IGSF9B: variants seen among roughly 807,000 people sequenced by gnomAD.
IGSF9B encodes the protein immunoglobulin superfamily member 9B.
A neutral mutation model predicts 143.7 loss-of-function variants in IGSF9B; 48 were observed. The ratio of observed to expected loss-of-function variants is 0.33; its 90% CI spans 0.26 to 0.42. The LOEUF (loss-of-function observed/expected upper bound fraction) is 0.42, where lower values mean the gene tolerates loss of function less well. IGSF9B is among the 20% of genes least tolerant of loss of function. The pLI, the probability that IGSF9B is intolerant of heterozygous loss-of-function variation, is 1.00. For missense variants in IGSF9B, 1,706 were observed against 1,980.0 expected, an observed-to-expected ratio of 0.86 and a Z score of 2.63; for synonymous variants, 903 against 833.1, an observed-to-expected ratio of 1.08 and a Z score of -1.44.
At chr11:133,954,410 C>G (rs1166692529) in intron 1 of IGSF9B, among the ~76,000 whole-genome samples, 1 of 152,146 alleles carries the variant, frequency 6.6e-6, no homozygotes, top group East Asian at 1.9e-4. Context: ...GGTCTTACTT[C>G]CTGACACAGG....
chr11:133,952,012 G>C (rs556983956), intron 1 of IGSF9B: 2 of 454,462 alleles, frequency 4.4e-6, no homozygotes, highest in African/African-American at 4.0e-5. Context: ...GGGAGGCAAG[G>C]GGCCACAGAG....
rs1262101072 is a variant in IGSF9B at position 133,899,321 on chromosome 11, TG to T, written c.*9747del. The T allele has an allele frequency of 6.6e-6, 1 of 152,494 alleles. No homozygotes were observed. Among genetic ancestry groups the T allele is most frequent in the East Asian group, 1.9e-4 (1 of 5,188 alleles). The allele number at this position is 152,494 out of a possible 1,614,324, so 9.4% of individuals were successfully genotyped here. On this transcript the variant is annotated 3_prime_UTR_variant, in exon 20 of 20. Transcript: ENST00000533871. The stretch of plus-strand genomic sequence containing the variant: ...GCCTCCTCCTTACTCCACATAAAGC[TG>T]ATCTCAATGACCTTTGCTCCAAGTG...
Position 133,931,303 on chromosome 11 carries a change from T to C in IGSF9B, c.1368+150A>G. On this transcript the variant is annotated intron_variant, in intron 10 of 19. Coordinates refer to ENST00000533871, the MANE Select transcript of IGSF9B (RefSeq NM_001277285.4). The surrounding 1 kb of genome is among the most constrained non-coding windows in gnomAD (Gnocchi z 7.7). ...GCTCACTGCTCGGCATCTAGCCTGG[T>C]CAGGGCAGGTCCAGAATAGAACTGC... 1.2e-6 allele frequency: 1 copy of C among 850,368 alleles called. No homozygotes were observed. Among genetic ancestry groups the C allele is most frequent in the South Asian group, 1.7e-5 (1 of 58,554 alleles). The allele number at this position is 850,368 out of a possible 1,614,324, so 52.7% of individuals were successfully genotyped here.
intron 7 of IGSF9B, 144 bp downstream of exon 7, chr11:133,935,473 A>G (rs1939805068): frequency 2.0e-6 from 2 of 977,766 alleles, no homozygotes; most frequent in African/African-American, 1.6e-5. Context: ...CTCTCCAGCC[A>G]TCCCTCCTTC....
In IGSF9B at chr11:133,937,416, A is replaced by C. The variant is rs1939844875; in HGVS notation, c.639T>G (p.Ile213Met). Residue 213 changes from isoleucine (I) to methionine (M), a missense_variant, in exon 5 of 20, where the codon ATT (isoleucine) becomes ATG (methionine). This residue lies in a region of IGSF9B where 238 missense variants were observed against 452.6 expected (regional missense o/e 0.53). Transcript: ENST00000533871. ...RGAYTCRAYS[I>M]QGEAVHTTHL... ...GAGTCGTGTGGACAGCCTCCCCCTGAATGCTGTACGCTCGGCAGGTGTAGG... is the reference window on the plus strand; with the variant it reads ...GAGTCGTGTGGACAGCCTCCCCCTGCATGCTGTACGCTCGGCAGGTGTAGG... 1 of 1,613,654 alleles carries C rather than the reference A, an allele frequency of 6.2e-7. No homozygotes were observed. The highest frequency in any genetic ancestry group is 8.5e-7 in the Non-Finnish European group (1 of 1,179,636).
In IGSF9B at chr11:133,949,229, C is replaced by T. The variant is rs139873375; in HGVS notation, c.65-2971G>A. Among the ~76,000 whole-genome samples, 8 of 152,258 alleles carry T rather than the reference C, an allele frequency of 5.3e-5. No individual in the cohort carries two copies. In the East Asian group the frequency reaches 1.4e-3, roughly 26 times the overall value. On this transcript the variant is annotated intron_variant, in intron 1 of 19. Transcript: ENST00000533871. ...CCCCAGAATAAAGCAGTGGTGTGGG[C>T]GCCCATGTCCTGGCCTCCACCCTCG...
chr11:133,908,914 T>G lies in IGSF9B; in HGVS notation c.*155A>C. On this transcript the variant is annotated 3_prime_UTR_variant, in exon 20 of 20. Transcript: ENST00000533871. ...CCGTCCTGAAGACAGGCGGCCAGGATCTGGAGGGAGACACCCGCTCTGGCA... is the reference window on the plus strand; with the variant it reads ...CCGTCCTGAAGACAGGCGGCCAGGAGCTGGAGGGAGACACCCGCTCTGGCA... The G allele has an allele frequency of 1.5e-6, 1 of 649,310 alleles. No homozygotes were observed. Among genetic ancestry groups the G allele is most frequent in the Non-Finnish European group, 2.6e-6 (1 of 380,234 alleles). 40.2% of individuals were successfully genotyped at this position (649,310 alleles called of 1,614,324 possible). A position where few individuals can be genotyped will look rare whatever the true frequency, so the allele number is the denominator to read the frequency against.
intron 18 of IGSF9B, among the ~76,000 whole-genome samples, chr11:133,918,495 C>G (rs930609899): frequency 1.3e-5 from 2 of 152,100 alleles, no homozygotes; most frequent in African/African-American, 4.8e-5. Context: ...GCACAAAGCA[C>G]AGAGACAGGG....
intron 7 of IGSF9B, among the ~76,000 whole-genome samples, chr11:133,935,162 C>T (rs146952543): frequency 0.013 from 1,990 of 152,274 alleles, 26 homozygotes; most frequent in Middle Eastern, 0.054. Flanking sequence ...TGGAGCACAT[C>T]GCCCCCGACA....
rs1940036182 is a variant in IGSF9B at position 133,945,779 on chromosome 11, T to A, written c.262+282A>T. Among the ~76,000 whole-genome samples, 1 of 152,048 alleles carries A rather than the reference T, an allele frequency of 6.6e-6. No individual in the cohort carries two copies. Among genetic ancestry groups the A allele is most frequent in the Non-Finnish European group, 1.5e-5 (1 of 67,996 alleles). ...CTGACTCAGTCTGCTGTCCTCTCCATCCCACTCTCCCACCCAGGCCTCTCC... is the reference window on the plus strand; with the variant it reads ...CTGACTCAGTCTGCTGTCCTCTCCAACCCACTCTCCCACCCAGGCCTCTCC... On this transcript the variant is annotated intron_variant, in intron 2 of 19. Coordinates refer to ENST00000533871, the MANE Select transcript of IGSF9B (RefSeq NM_001277285.4). This position sits in a 1 kb window ranked among gnomAD's most constrained non-coding sequence, Gnocchi z 4.6.
At chr11:133,917,187 C>G (rs983814446) in intron 18 of IGSF9B, among the ~76,000 whole-genome samples, 1 of 152,172 alleles carries the variant, frequency 6.6e-6, no homozygotes, top group Non-Finnish European at 1.5e-5. Flanking sequence ...TGCAGGTGCC[C>G]GATGCCTGTG....
In IGSF9B at chr11:133,905,717, C is replaced by G. The variant is rs896381419; in HGVS notation, c.*3352G>C. On this transcript the variant is annotated 3_prime_UTR_variant, in exon 20 of 20. Transcript: ENST00000533871. The surrounding 1 kb of genome is among the most constrained non-coding windows in gnomAD (Gnocchi z 4.0). Reference sequence around the variant, plus strand: ...AGGATCTCAAAAGGCCTGTCCTACCCCCAGTCTCTCCAGGGAAGCTGCTTA... The same window carrying G: ...AGGATCTCAAAAGGCCTGTCCTACCGCCAGTCTCTCCAGGGAAGCTGCTTA... 6.6e-6 allele frequency among the ~76,000 whole-genome samples: 1 copy of G among 152,186 alleles called. No homozygotes were observed. Among genetic ancestry groups the G allele is most frequent in the Admixed American group, 6.5e-5 (1 of 15,280 alleles).
chr11:133,946,347 C>T (rs1591725378), intron 1 of IGSF9B, 89 bp from the exon 2 acceptor site: 2 of 1,150,890 alleles, frequency 1.7e-6, no homozygotes, highest in South Asian at 1.4e-5. Context: ...AGGGTCACCC[C>T]GCCCCCCACC....
Position 133,920,866 on chromosome 11 carries a change from G to T in IGSF9B, c.2859C>A (p.Ala953=), listed in dbSNP as rs1386028460. ...LEGRLQATGQ[A]RPPAPRPFHH... ...GGAAGGGCCGGGGGGCAGGGGGCCG[G>T]GCCTGGCCTGTGGCCTGAAGCCGAC... The change falls in exon 18 of 20, where the codon GCC becomes GCA. Residue 953 remains alanine, a synonymous_variant. Coordinates refer to ENST00000533871, the MANE Select transcript of IGSF9B (RefSeq NM_001277285.4). 44 of 1,604,812 alleles carry T rather than the reference G, an allele frequency of 2.7e-5. No homozygotes were observed. Among genetic ancestry groups the T allele is most frequent in the Non-Finnish European group, 3.7e-5 (43 of 1,175,484 alleles).
At chr11:133,952,039 G>A (rs1416077149) in intron 1 of IGSF9B, 2 of 455,714 alleles carry the variant, frequency 4.4e-6, no homozygotes, top group Admixed American at 2.3e-5. Flanking sequence ...AAGCCAGGCT[G>A]AGCGGGACCT....
Position 133,953,230 on chromosome 11 carries a change from C to T in IGSF9B, c.64+3461G>A, listed in dbSNP as rs1940194971. 6.6e-6 allele frequency among the ~76,000 whole-genome samples: 1 copy of T among 152,166 alleles called. No homozygotes were observed. The highest frequency in any genetic ancestry group is 1.5e-5 in the Non-Finnish European group (1 of 68,032). ...GCCTTCTGTCTCAGAGCCATAAACA[C>T]GAAACCACTCAAGGTCTATCTAGGA... On this transcript the variant is annotated intron_variant, in intron 1 of 19. Coordinates refer to ENST00000533871, the MANE Select transcript of IGSF9B (RefSeq NM_001277285.4). This position sits in a 1 kb window ranked among gnomAD's most constrained non-coding sequence, Gnocchi z 4.2.
Position 133,945,841 on chromosome 11 carries a change from AGGCGGTGCT to A in IGSF9B, c.262+211_262+219del, listed in dbSNP as rs1213596445. Among the ~76,000 whole-genome samples, 1 of 151,986 alleles carries A rather than the reference AGGCGGTGCT, an allele frequency of 6.6e-6. No individual in the cohort carries two copies. Among genetic ancestry groups the A allele is most frequent in the Non-Finnish European group, 1.5e-5 (1 of 67,990 alleles). On this transcript the variant is annotated intron_variant, in intron 2 of 19. Transcript: ENST00000533871. This position sits in a 1 kb window ranked among gnomAD's most constrained non-coding sequence, Gnocchi z 4.6. The stretch of plus-strand genomic sequence containing the variant: ...TGGCTCCCAGCCCTCTCCACAGCCC[AGGCGGTGCT>A]GTTCAGAAGGCTTTACCCTGCCCCA...
Position 133,921,387 on chromosome 11 carries a change from C to T in IGSF9B, c.2338G>A (p.Gly780Ser). The T allele has an allele frequency of 2.6e-6, 4 of 1,521,250 alleles. No homozygotes were observed. The highest frequency in any genetic ancestry group is 3.5e-6 in the Non-Finnish European group (4 of 1,135,368). The allele number at this position is 1,521,250 out of a possible 1,614,324, so 94.2% of individuals were successfully genotyped here. A position where few individuals can be genotyped will look rare whatever the true frequency, so the allele number is the denominator to read the frequency against. The change falls in exon 18 of 20, where the codon GGC becomes AGC. Residue 780 changes from glycine to serine, a missense_variant. Physicochemically the swap from Gly to Ser is moderately conservative, Grantham distance 56. Transcript: ENST00000533871. ...CGGATGCTCTCGGGGCTCACCTTGC[C>T]AGAGGACAAGCTGCAAGGAGGAGCA... ...RKSLESPLSS[G>S]KVSPESIRTL...
In IGSF9B at chr11:133,935,814, C is replaced by T. The variant is rs187507481; in HGVS notation, c.822-52G>A. ...TTGGGCGAGCAGAAGGGGATCTTGCCGCAGACACACAGTCACCGTCACTGC... is the reference window on the plus strand; with the variant it reads ...TTGGGCGAGCAGAAGGGGATCTTGCTGCAGACACACAGTCACCGTCACTGC... On this transcript the variant is annotated intron_variant, in intron 6 of 19. Transcript: ENST00000533871. 1,373 of 1,585,356 alleles carry T rather than the reference C, an allele frequency of 8.7e-4. 3 individuals are homozygous for T. The highest frequency in any genetic ancestry group is 1.8e-3 in the South Asian group (159 of 87,066).
Sources: allele counts gnomAD v4.1 joint callset (sites outside exome capture counted in the v4.1 genomes callset), GRCh38; gene constraint gnomAD v4.1.1; regional missense constraint gnomAD v4.1.1; non-coding constraint Gnocchi (gnomAD v3.1); transcripts MANE v1.5; gene names NCBI Gene and HGNC (gene_info 2026-07-23, HGNC 2026-07-21).